PP2D1: variants seen among roughly 807,000 people sequenced by gnomAD.
The protein encoded by PP2D1 is protein phosphatase 2C-like domain-containing protein 1.
A neutral mutation model predicts 30.2 loss-of-function variants in PP2D1; 25 were observed. The ratio of observed to expected loss-of-function variants is 0.83; its 90% CI spans 0.60 to 1.16. The LOEUF (loss-of-function observed/expected upper bound fraction) is 1.16. Ranked by LOEUF, PP2D1 falls within the 50% of genes most tolerant of loss-of-function variation. The pLI, the probability that PP2D1 is intolerant of heterozygous loss-of-function variation, is 0.00. For synonymous variants in PP2D1, 260 were observed against 258.9 expected, an observed-to-expected ratio of 1.00 and a Z score of -0.04; for missense variants, 760 against 742.4, an observed-to-expected ratio of 1.02 and a Z score of -0.28.
rs1391820902 is a variant in PP2D1 at position 20,001,778 on chromosome 3, A to C, written c.342T>G (p.Ile114Met). 1 of 1,533,978 alleles carries C rather than the reference A, an allele frequency of 6.5e-7. No homozygotes were observed. The part of the protein sequence containing the change: ...SVIAVQRQFM[I>M]SKLLSSFMFT... The stretch of plus-strand genomic sequence containing the variant: ...ACATAAAAGATGACAATAGTTTAGA[A>C]ATCATGAACTGTCTCTGAACAGCAA... Residue 114 changes from isoleucine to methionine, a missense_variant, in exon 2 of 3, where the codon ATT becomes ATG. By Grantham distance (10) the Ile-to-Met change is conservative (BLOSUM62 1). Transcript: ENST00000389050.
At chr3:20,006,440 A>G (rs1384057877) in intron 1 of PP2D1, among the ~76,000 whole-genome samples, 1 of 152,110 alleles carries the variant, frequency 6.6e-6, no homozygotes, top group Admixed American at 6.5e-5. Context: ...CTCTCCATGC[A>G]TGGATACAAA....
At chr3:20,000,986 C>T (rs951570315) in intron 2 of PP2D1, 44 bp downstream of exon 2, 1 of 1,171,680 alleles carries the variant, frequency 8.5e-7, no homozygotes, top group African/African-American at 1.6e-5. Context: ...CTGCAAGGAA[C>T]CAAAAACATA....
At chr3:19,987,352 T>A (rs1311028652) in intron 2 of PP2D1, among the ~76,000 whole-genome samples, 2 of 152,180 alleles carry the variant, frequency 1.3e-5, no homozygotes, top group Non-Finnish European at 2.9e-5. Context: ...TAATTACGTA[T>A]TTTTTAAATT....
chr3:19,994,458 C>G (rs182730012), intron 2 of PP2D1, among the ~76,000 whole-genome samples: 304 of 152,296 alleles, frequency 2.0e-3, no homozygotes, highest in Non-Finnish European at 3.6e-3. Context: ...TAACAACACC[C>G]CATCTCTGCA....
chr3:20,007,600 C>G (rs1315929199), intron 1 of PP2D1, among the ~76,000 whole-genome samples: 2 of 152,018 alleles, frequency 1.3e-5, no homozygotes, highest in Non-Finnish European at 2.9e-5. Context: ...GAAACTCCGT[C>G]TCTGCTAAAA....
At chr3:19,980,902 T>A (rs1326320914), downstream of PP2D1, among the ~76,000 whole-genome samples, 1 of 152,156 alleles carries the variant, frequency 6.6e-6, no homozygotes, top group Non-Finnish European at 1.5e-5. Flanking sequence ...CTAAAAATGA[T>A]TGATGCTGAT....
At chr3:19,983,872 A>G (rs542224748), downstream of PP2D1, 1 of 1,282,364 alleles carries the variant, frequency 7.8e-7, no homozygotes, top group South Asian at 1.3e-5. Context: ...CTAAATGTTA[A>G]TAACAATGGA....
chr3:20,002,108 A>T lies in PP2D1; in HGVS notation c.24-12T>A. Reference sequence around the variant, plus strand: ...ATTTCCAAAACACTCTGCAAACAGGATGAAAGATATTTACATGCCAGGATG... The same window carrying T: ...ATTTCCAAAACACTCTGCAAACAGGTTGAAAGATATTTACATGCCAGGATG... On this transcript the variant is annotated splice_polypyrimidine_tract_variant and intron_variant, in intron 1 of 2. Transcript: ENST00000389050. 1 of 1,495,918 alleles carries T rather than the reference A, an allele frequency of 6.7e-7. No individual in the cohort carries two copies. The highest frequency in any genetic ancestry group is 9.0e-7 in the Non-Finnish European group (1 of 1,114,028). 92.7% of individuals were successfully genotyped at this position (1,495,918 alleles called of 1,614,324 possible). A position where few individuals can be genotyped will look rare whatever the true frequency, so the allele number is the denominator to read the frequency against.
intron 2 of PP2D1, among the ~76,000 whole-genome samples, chr3:19,999,377 T>A (rs1183576438): frequency 6.6e-6 from 1 of 151,346 alleles, no homozygotes; most frequent in East Asian, 1.9e-4. Flanking sequence ...CGCCCAGCCA[T>A]TTTTTTATTT....
At chr3:19,989,197 T>C (rs1361381972) in intron 2 of PP2D1, among the ~76,000 whole-genome samples, 3 of 151,480 alleles carry the variant, frequency 2.0e-5, no homozygotes, top group Non-Finnish European at 2.9e-5. Context: ...CCGGGCGTGA[T>C]GGTGCACACC....
downstream of PP2D1, among the ~76,000 whole-genome samples, chr3:19,982,780 A>G (rs1696955075): frequency 6.7e-6 from 1 of 150,270 alleles, no homozygotes; most frequent in Admixed American, 6.6e-5. Flanking sequence ...AAAAAAAAAG[A>G]GAGCATGTAT....
intron 2 of PP2D1, among the ~76,000 whole-genome samples, chr3:19,995,201 C>G (rs1004092040): frequency 2.6e-5 from 4 of 151,994 alleles, no homozygotes; most frequent in African/African-American, 9.7e-5. Flanking sequence ...CACAACCTGT[C>G]AATGTGTTCT....
At chr3:20,007,424 G>A (rs935015763) in intron 1 of PP2D1, among the ~76,000 whole-genome samples, 1 of 151,794 alleles carries the variant, frequency 6.6e-6, no homozygotes, top group African/African-American at 2.4e-5. Context: ...TTTTTCAGGG[G>A]AGGAAAAAGC....
At position 20,009,149 on chromosome 3, in the gene PP2D1, T is replaced by C. The variant is rs907263654; in HGVS notation, c.23+2901A>G. Among the ~76,000 whole-genome samples the C allele has an allele frequency of 2.0e-5, 3 of 152,262 alleles. No homozygotes were observed. In the South Asian group the frequency reaches 6.2e-4, roughly 32 times the overall value. ...GTTTATATCATCACTTAGTTACAGCTATGTTACATGGTTTAAGAGAAAATG... is the reference window on the plus strand; with the variant it reads ...GTTTATATCATCACTTAGTTACAGCCATGTTACATGGTTTAAGAGAAAATG... On this transcript the variant is annotated intron_variant, in intron 1 of 2. Transcript: ENST00000389050.
At chr3:20,010,430 T>C (rs1472560075) in intron 1 of PP2D1, among the ~76,000 whole-genome samples, 2 of 152,104 alleles carry the variant, frequency 1.3e-5, no homozygotes, top group Non-Finnish European at 2.9e-5. Context: ...TGCTGGAGTA[T>C]TTTAATGCCA....
At chr3:20,002,133 G>A in intron 1 of PP2D1, 37 bp from the exon 2 acceptor site, 3 of 1,363,624 alleles carry the variant, frequency 2.2e-6, no homozygotes, top group Non-Finnish European at 3.0e-6. Context: ...ATGCCAGGAT[G>A]ATGCAGCGAA....
chr3:20,012,222 T>G lies in PP2D1; in HGVS notation c.-150A>C, dbSNP rs1575091273. 1 of 650,684 alleles carries G rather than the reference T, an allele frequency of 1.5e-6. No individual in the cohort carries two copies. The highest frequency in any genetic ancestry group is 2.7e-6 in the Non-Finnish European group (1 of 375,254). 40.3% of individuals were successfully genotyped at this position (650,684 alleles called of 1,614,324 possible). A position where few individuals can be genotyped will look rare whatever the true frequency, so the allele number is the denominator to read the frequency against. On this transcript the variant is annotated 5_prime_UTR_variant, in exon 1 of 3. Coordinates refer to ENST00000389050, the MANE Select transcript of PP2D1 (RefSeq NM_001252657.2). ...GTGGTGATGGTGATGATAGCGATGG[T>G]GGGCATTCCCCTCACTTGATGGTAG... is the stretch of plus-strand genomic sequence containing the variant.
intron 2 of PP2D1, among the ~76,000 whole-genome samples, chr3:19,987,945 G>T (rs781285928): frequency 2.6e-5 from 4 of 152,098 alleles, no homozygotes; most frequent in Non-Finnish European, 5.9e-5. Context: ...AAGATTTCAT[G>T]GACATTTATC....
At chr3:19,982,617 G>A (rs945321695), downstream of PP2D1, among the ~76,000 whole-genome samples, 13 of 152,096 alleles carry the variant, frequency 8.5e-5, no homozygotes, top group Non-Finnish European at 1.3e-4. Flanking sequence ...GGGAGTCTGA[G>A]GCGGAAGAGT....
Sources: allele counts gnomAD v4.1 joint callset (sites outside exome capture counted in the v4.1 genomes callset), GRCh38; gene constraint gnomAD v4.1.1; transcripts MANE v1.5; gene names NCBI Gene and HGNC (gene_info 2026-07-23, HGNC 2026-07-21).